Variants in HSPA12A observed in about 807,000 individuals in gnomAD.
HSPA12A encodes heat shock protein family A (Hsp70) member 12A.
HSPA12A carries 28 observed loss-of-function variants against 69.2 expected under a neutral mutation model. That is an observed-to-expected ratio of 0.40 (90% CI 0.30 to 0.55). The LOEUF is 0.55. Among genes scored for constraint, HSPA12A ranks in the 20% least tolerant of loss-of-function variants. The pLI is 0.38. For synonymous variants in HSPA12A, 345 were observed against 370.5 expected, an observed-to-expected ratio of 0.93 and a Z score of 0.79; for missense variants, 686 against 900.7, an observed-to-expected ratio of 0.76 and a Z score of 3.05.
intron 1 of HSPA12A, among the ~76,000 whole-genome samples, chr10:116,841,711 A>C (rs1337023089): frequency 6.6e-6 from 1 of 152,170 alleles, no homozygotes; most frequent in African/African-American, 2.4e-5. Context: ...TTGCTAAAAA[A>C]AATACTGAGA....
At chr10:116,726,175 T>C (rs1038582147) in intron 1 of HSPA12A, among the ~76,000 whole-genome samples, 4 of 152,082 alleles carry the variant, frequency 2.6e-5, no homozygotes, top group Admixed American at 6.6e-5. Context: ...TGTGGCACTT[T>C]GCAATCTCAC....
At position 116,716,122 on chromosome 10, in the gene HSPA12A, G is replaced by T. The variant is rs75971437; in HGVS notation, c.41-8837C>A. Among the ~76,000 whole-genome samples the T allele has an allele frequency of 1.2e-3, 183 of 150,854 alleles. 2 individuals are homozygous for T. The East Asian group carries it at 0.032, about 26-fold the overall frequency. On this transcript the variant is annotated intron_variant, in intron 1 of 11. Transcript: ENST00000369209. ...CTGACAGCTCCTAGACTTTGTAGCCGCTCTGTGAACCCAGGGCCTCAGAGG... is the reference window on the plus strand; with the variant it reads ...CTGACAGCTCCTAGACTTTGTAGCCTCTCTGTGAACCCAGGGCCTCAGAGG...
chr10:116,763,422 T>A (rs1342296787), intron 2 of HSPA12A, among the ~76,000 whole-genome samples: 2 of 152,234 alleles, frequency 1.3e-5, no homozygotes, highest in African/African-American at 4.8e-5. Context: ...GAAAAACCCC[T>A]ACCCCCAGAT....
intron 2 of HSPA12A, among the ~76,000 whole-genome samples, chr10:116,752,725 TGTGGCCTTGA>T (rs1333137570): frequency 2.0e-5 from 3 of 152,350 alleles, no homozygotes; most frequent in East Asian, 3.9e-4. Context: ...CGCCTAGCTG[TGTGGCCTTGA>T]GTGACTCATC....
In HSPA12A at chr10:116,708,512, A is replaced by G. The variant is rs546148817; in HGVS notation, c.41-1227T>C. Among the ~76,000 whole-genome samples, 11 of 152,196 alleles carry G rather than the reference A, an allele frequency of 7.2e-5. No individual in the cohort carries two copies. The East Asian group carries it at 1.7e-3, about 24-fold the overall frequency. Reference sequence around the variant, plus strand: ...TGATTACTTTTTCTACTTGATGAGGACTCAGGCAGCATCATTACAGTGGGC... The same window carrying G: ...TGATTACTTTTTCTACTTGATGAGGGCTCAGGCAGCATCATTACAGTGGGC... On this transcript the variant is annotated intron_variant, in intron 1 of 11. Coordinates refer to ENST00000369209, the MANE Select transcript of HSPA12A (RefSeq NM_025015.3).
At chr10:116,713,226 T>C (rs1247578732) in intron 1 of HSPA12A, among the ~76,000 whole-genome samples, 3 of 151,946 alleles carry the variant, frequency 2.0e-5, no homozygotes, top group Admixed American at 2.0e-4. Context: ...TATTACCCTA[T>C]AACAGGCTTC....
intron 9 of HSPA12A, 61 bp downstream of exon 9, chr10:116,681,091 T>C: frequency 8.7e-7 from 1 of 1,146,170 alleles, no homozygotes. Flanking sequence ...CTGAAACAAG[T>C]GAAAACAGAA....
At chr10:116,794,288 T>G (rs773342322) in intron 2 of HSPA12A, among the ~76,000 whole-genome samples, 32 of 152,074 alleles carry the variant, frequency 2.1e-4, no homozygotes, top group Non-Finnish European at 3.8e-4. Context: ...CACATAAGAT[T>G]TATTTTAAAT....
intron 5 of HSPA12A, 36 bp downstream of exon 5, chr10:116,698,598 TA>T: frequency 6.4e-7 from 1 of 1,552,928 alleles, no homozygotes; most frequent in Non-Finnish European, 8.9e-7. Flanking sequence ...TGCCACCGCC[TA>T]GCACACAGCT....
Position 116,672,492 on chromosome 10 carries a change from G to A in HSPA12A, c.*2289C>T, listed in dbSNP as rs1849113963. On this transcript the variant is annotated 3_prime_UTR_variant, in exon 12 of 12. Coordinates refer to ENST00000369209, the MANE Select transcript of HSPA12A (RefSeq NM_025015.3). ...GGTCCACGTGCGTTCAGTGTGTTTG[G>A]ACCCTAGGCACCTCTGTCTATTGCT... 1 of 152,202 alleles carries A rather than the reference G, an allele frequency of 6.6e-6. No individual in the cohort carries two copies. Among genetic ancestry groups the A allele is most frequent in the South Asian group, 2.1e-4 (1 of 4,824 alleles). The allele number at this position is 152,202 out of a possible 1,614,324, so 9.4% of individuals were successfully genotyped here.
At chr10:116,826,177 C>T (rs183783465) in intron 2 of HSPA12A, among the ~76,000 whole-genome samples, 5 of 152,148 alleles carry the variant, frequency 3.3e-5, no homozygotes, top group Admixed American at 3.3e-4. Flanking sequence ...AAGCCTCCCC[C>T]GCCTCCCTCC....
At chr10:116,805,631 T>G (rs1274904205) in intron 2 of HSPA12A, among the ~76,000 whole-genome samples, 3 of 152,152 alleles carry the variant, frequency 2.0e-5, no homozygotes, top group Non-Finnish European at 4.4e-5. Flanking sequence ...CAAATTCACC[T>G]GTCACTGATC....
At chr10:116,797,543 G>A (rs1183007038) in intron 2 of HSPA12A, among the ~76,000 whole-genome samples, 1 of 152,212 alleles carries the variant, frequency 6.6e-6, no homozygotes, top group Non-Finnish European at 1.5e-5. Context: ...GTATGTGGGA[G>A]GCTGGAATGT....
upstream of HSPA12A, among the ~76,000 whole-genome samples, chr10:116,747,380 T>A (rs1851671717): frequency 6.6e-6 from 1 of 152,220 alleles, no homozygotes; most frequent in South Asian, 2.1e-4. Flanking sequence ...TCGTCTATGG[T>A]TAGTCTCGCA....
intron 5 of HSPA12A, among the ~76,000 whole-genome samples, chr10:116,696,673 T>C (rs1849915549): frequency 6.6e-6 from 1 of 152,112 alleles, no homozygotes; most frequent in South Asian, 2.1e-4. Context: ...CTAGAAATCC[T>C]TTGAGGACTC....
chr10:116,713,722 A>T (rs1850518752), intron 1 of HSPA12A, among the ~76,000 whole-genome samples: 1 of 152,178 alleles, frequency 6.6e-6, no homozygotes, highest in African/African-American at 2.4e-5. Context: ...TTGTGTCTAT[A>T]CATGTCCAGG....
At chr10:116,825,505 T>C (rs538309559) in intron 2 of HSPA12A, among the ~76,000 whole-genome samples, 1 of 152,246 alleles carries the variant, frequency 6.6e-6, no homozygotes, top group African/African-American at 2.4e-5. Flanking sequence ...AGTGAGACTC[T>C]GTCTCAAAAA....
intron 2 of HSPA12A, among the ~76,000 whole-genome samples, chr10:116,787,246 C>G (rs1251452618): frequency 6.6e-6 from 1 of 151,896 alleles, no homozygotes; most frequent in Non-Finnish European, 1.5e-5. Flanking sequence ...AATACCAAAG[C>G]TAGAAGGGCC....
intron 2 of HSPA12A, among the ~76,000 whole-genome samples, chr10:116,756,327 C>G (rs144477679): frequency 6.6e-6 from 1 of 152,378 alleles, no homozygotes; most frequent in East Asian, 1.9e-4. Context: ...GAAAATGCAG[C>G]TCTCAAAACA....
Sources: gnomAD v4.1 joint callset for allele counts (sites outside exome capture counted in the v4.1 genomes callset) on GRCh38, gnomAD v4.1.1 for gene constraint, MANE v1.5 for transcripts, NCBI Gene and HGNC (gene_info 2026-07-23, HGNC 2026-07-21) for gene names.